The following TRMT1L variants were observed in gnomAD, a reference collection of about 807,000 sequenced individuals.
TRMT1L encodes the protein tRNA methyltransferase 1L.
TRMT1L carries 28 observed loss-of-function variants against 81.6 expected under a neutral mutation model. The ratio of observed to expected loss-of-function variants is 0.34; its 90% CI spans 0.25 to 0.47. The LOEUF is 0.47. Ranked by LOEUF, TRMT1L falls within the 20% of genes least tolerant of loss-of-function variation. The probability of loss-of-function intolerance (pLI) is 1.00; values close to 1 mark genes in which losing one functional copy is unlikely to be tolerated. For synonymous variants in TRMT1L, 301 were observed against 303.2 expected (o/e 0.99, Z 0.07); for missense variants, 739 against 877.1 (o/e 0.84, Z 1.99).
Position 185,156,620 on chromosome 1 carries a change from C to G in TRMT1L, c.93G>C (p.Ser31=). 6.2e-6 allele frequency: 10 copies of G among 1,602,132 alleles called. No individual in the cohort carries two copies. The highest frequency in any genetic ancestry group is 1.1e-5 in the South Asian group (1 of 90,158). The part of the protein sequence containing the change: ...QVQVPTPARD[S]AGVPAPAPDS... ...CCGGGGCCGGAGCTGGGACCCCAGC[C>G]GAGTCCCGGGCCGGGGTCGGGACCT... The change falls in exon 1 of 15, where the codon TCG becomes TCC. Residue 31 remains serine (S), a synonymous_variant. Transcript: ENST00000367506.
Position 185,119,221 on chromosome 1 carries a change from C to A in TRMT1L, c.*798G>T, listed in dbSNP as rs1442696035. On this transcript the variant is annotated 3_prime_UTR_variant, in exon 15 of 15. Coordinates refer to ENST00000367506, the MANE Select transcript of TRMT1L (RefSeq NM_030934.5). ...CAAATTTTACTTCTGAGAGGTAGTA[C>A]AACCAACCAAATGAATACTGTACGT... 1 of 152,064 alleles carries A rather than the reference C, an allele frequency of 6.6e-6. No homozygotes were observed. Among genetic ancestry groups the A allele is most frequent in the East Asian group, 1.9e-4 (1 of 5,192 alleles). 9.4% of individuals were successfully genotyped at this position (152,064 alleles called of 1,614,324 possible).
At chr1:185,156,424 C>G in intron 1 of TRMT1L, 54 bp downstream of exon 1, 1 of 1,613,266 alleles carries the variant, frequency 6.2e-7, no homozygotes, top group South Asian at 1.1e-5. Context: ...TACTTCCCAG[C>G]AAGGCGCACT....
intron 7 of TRMT1L, among the ~76,000 whole-genome samples, chr1:185,142,653 A>G (rs1186521986): frequency 8.5e-6 from 1 of 117,636 alleles, no homozygotes; most frequent in Non-Finnish European, 1.7e-5. Flanking sequence ...TATTATTGCA[A>G]AAAAAAAAAA....
In TRMT1L at chr1:185,156,874, C is replaced by T; in HGVS notation, c.-162G>A. 1 of 972,878 alleles carries T rather than the reference C, an allele frequency of 1.0e-6. No homozygotes were observed. The highest frequency in any genetic ancestry group is 1.5e-6 in the Non-Finnish European group (1 of 685,760). The allele number at this position is 972,878 out of a possible 1,614,324, so 60.3% of individuals were successfully genotyped here. On this transcript the variant is annotated 5_prime_UTR_variant, in exon 1 of 15. Transcript: ENST00000367506. ...AGACAAAAGATGAAGAACCAGTGAC[C>T]AAATCCTGTTAGTAGAAAACAGAAA... is the stretch of plus-strand genomic sequence containing the variant.
intron 4 of TRMT1L, 62 bp from the exon 5 acceptor site, chr1:185,145,630 T>C: frequency 1.9e-6 from 3 of 1,545,270 alleles, no homozygotes; most frequent in Middle Eastern, 3.5e-4. Context: ...AGTATATGTT[T>C]GCAAATTTAA....
chr1:185,150,509 A>G lies in TRMT1L; in HGVS notation c.347-17T>C, dbSNP rs757766786. On this transcript the variant is annotated splice_polypyrimidine_tract_variant and intron_variant, in intron 2 of 14. Coordinates refer to ENST00000367506, the MANE Select transcript of TRMT1L (RefSeq NM_030934.5). ...GTCTGTTGCCTTAAAAAGAAAAAAG[A>G]ATCAATAAACAACAGAATATTCTAG... 13 of 1,559,926 alleles carry G rather than the reference A, an allele frequency of 8.3e-6. No homozygotes were observed. The highest frequency in any genetic ancestry group is 1.1e-5 in the Non-Finnish European group (13 of 1,132,366).
rs1316274926 is a variant in TRMT1L, at chr1:185,156,894, CAGAA to C, written c.-186_-183del. 2.4e-6 allele frequency: 2 copies of C among 834,224 alleles called. No individual in the cohort carries two copies. Among genetic ancestry groups the C allele is most frequent in the African/African-American group, 1.8e-5 (1 of 55,564 alleles). 51.7% of individuals were successfully genotyped at this position (834,224 alleles called of 1,614,324 possible). On this transcript the variant is annotated 5_prime_UTR_variant, in exon 1 of 15. Transcript: ENST00000367506. ...GTGACCAAATCCTGTTAGTAGAAAA[CAGAA>C]AGCCAGAGGCAGCGATTCCAGATGC...
At chr1:185,141,888 T>C (rs1054169484) in intron 7 of TRMT1L, among the ~76,000 whole-genome samples, 7 of 152,170 alleles carry the variant, frequency 4.6e-5, no homozygotes, top group African/African-American at 1.7e-4. Flanking sequence ...AATAGCTGTT[T>C]AGCAGTAACA....
Position 185,156,460 on chromosome 1 carries a change from T to C in TRMT1L, c.235+18A>G. 4 of 1,613,860 alleles carry C rather than the reference T, an allele frequency of 2.5e-6. No individual in the cohort carries two copies. The highest frequency in any genetic ancestry group is 1.1e-5 in the South Asian group (1 of 91,066). ...TTCTCTCTTCTGCAGCAGAAAGATC[T>C]GGGCCTTCTGCACTTACTGCTTTTA... On this transcript the variant is annotated intron_variant, in intron 1 of 14. Transcript: ENST00000367506.
intron 11 of TRMT1L, among the ~76,000 whole-genome samples, chr1:185,125,973 A>C (rs1248641863): frequency 2.0e-5 from 3 of 152,146 alleles, no homozygotes; most frequent in Non-Finnish European, 4.4e-5. Flanking sequence ...ATGGTTCAGA[A>C]ATAGTCTGGG....
At chr1:185,121,653 T>C (rs1483085985) in intron 13 of TRMT1L, among the ~76,000 whole-genome samples, 1 of 152,130 alleles carries the variant, frequency 6.6e-6, no homozygotes, top group African/African-American at 2.4e-5. Flanking sequence ...AGTCAAAGGA[T>C]AGATATCCAG....
At chr1:185,156,374 G>A in intron 1 of TRMT1L, 104 bp downstream of exon 1, 1 of 1,611,022 alleles carries the variant, frequency 6.2e-7, no homozygotes, top group East Asian at 2.2e-5. Context: ...TCCTAAACCT[G>A]CCTTGCCCCA....
chr1:185,152,193 T>C (rs557148367), intron 1 of TRMT1L, among the ~76,000 whole-genome samples: 1 of 152,336 alleles, frequency 6.6e-6, no homozygotes, highest in African/African-American at 2.4e-5. Flanking sequence ...TTCTGTCCTA[T>C]ACAAAATACT....
intron 13 of TRMT1L, among the ~76,000 whole-genome samples, chr1:185,121,655 G>C (rs1041695346): frequency 6.6e-6 from 1 of 151,928 alleles, no homozygotes; most frequent in Non-Finnish European, 1.5e-5. Flanking sequence ...TCAAAGGATA[G>C]ATATCCAGAT....
In TRMT1L at chr1:185,123,770, C is replaced by A. The variant is rs917199188; in HGVS notation, c.1822+87G>T. The A allele has an allele frequency of 2.5e-5, 19 of 762,920 alleles. No homozygotes were observed. The Middle Eastern group carries it at 1.6e-3, about 65-fold the overall frequency. The allele number at this position is 762,920 out of a possible 1,614,324, so 47.3% of individuals were successfully genotyped here. ...TGAAATGTATTTTTAAGTAGGCTACCATGGCAATCTCTTCTCTTCCTACCC... is the reference window on the plus strand; with the variant it reads ...TGAAATGTATTTTTAAGTAGGCTACAATGGCAATCTCTTCTCTTCCTACCC... On this transcript the variant is annotated intron_variant, in intron 13 of 14. Transcript: ENST00000367506.
chr1:185,124,794 A>C (rs543694675), intron 12 of TRMT1L, 150 bp downstream of exon 12: 206 of 645,928 alleles, frequency 3.2e-4, no homozygotes, highest in African/African-American at 2.9e-3. Flanking sequence ...TTAAAAAAAA[A>C]CCAGAGGATC....
intron 10 of TRMT1L, among the ~76,000 whole-genome samples, chr1:185,132,865 A>T (rs760868790): frequency 4.6e-5 from 7 of 152,206 alleles, no homozygotes; most frequent in Non-Finnish European, 7.3e-5. Flanking sequence ...TGAAGAAGTA[A>T]ACAAGGAAAG....
At chr1:185,155,136 C>G (rs958295994) in intron 1 of TRMT1L, among the ~76,000 whole-genome samples, 10 of 152,180 alleles carry the variant, frequency 6.6e-5, no homozygotes, top group African/African-American at 2.2e-4. Context: ...ATATAGTATA[C>G]CTTCTTCAAA....
chr1:185,141,037 A>T (rs1653027347), intron 7 of TRMT1L, among the ~76,000 whole-genome samples: 1 of 152,044 alleles, frequency 6.6e-6, no homozygotes, highest in Admixed American at 6.6e-5. Context: ...ATTCAGACCA[A>T]AAGGGCCCCT....
Sources: allele counts gnomAD v4.1 joint callset (sites outside exome capture counted in the v4.1 genomes callset), GRCh38; gene constraint gnomAD v4.1.1; transcripts MANE v1.5; gene names NCBI Gene and HGNC (gene_info 2026-07-23, HGNC 2026-07-21).